HECW2: variants seen among roughly 807,000 people sequenced by gnomAD.
HECW2 encodes the protein HECT, C2 and WW domain containing E3 ubiquitin protein ligase 2.
In HECW2, 61 loss-of-function variants were observed where a neutral mutation model predicts 175.2. The observed-to-expected ratio is 0.35, with a 90% CI of 0.28 to 0.43. The LOEUF (loss-of-function observed/expected upper bound fraction) is 0.43, where lower values mean the gene tolerates loss of function less well. Ranked by LOEUF, HECW2 falls within the 20% of genes least tolerant of loss-of-function variation. The pLI is 1.00. For missense variants in HECW2, 1,524 were observed against 2,000.5 expected, an observed-to-expected ratio of 0.76 and a Z score of 4.54; for synonymous variants, 671 against 731.0, an observed-to-expected ratio of 0.92 and a Z score of 1.32.
intron 1 of HECW2, among the ~76,000 whole-genome samples, chr2:196,474,358 G>A (rs1038423520): frequency 6.6e-6 from 1 of 152,162 alleles, no homozygotes; most frequent in Admixed American, 6.5e-5. Flanking sequence ...CTACCATAAT[G>A]GCTTGCATTT....
intron 18 of HECW2, 131 bp from the exon 19 acceptor site, chr2:196,254,160 T>G: frequency 5.1e-6 from 7 of 1,365,150 alleles, no homozygotes; most frequent in Non-Finnish European, 3.9e-6. Flanking sequence ...CCCCTTTCTC[T>G]TGCAGGTAAT....
rs1192770176 is a variant in HECW2, at chr2:196,195,599, C to T, written c.*5678G>A. The T allele has an allele frequency of 1.3e-5, 2 of 152,298 alleles. No individual in the cohort carries two copies. Among genetic ancestry groups the T allele is most frequent in the East Asian group, 3.9e-4 (2 of 5,190 alleles). The allele number at this position is 152,298 out of a possible 1,614,324, so 9.4% of individuals were successfully genotyped here. ...TTGCAACCTCACTCTTAGGATTTCA[C>T]TTTCCAGATTAACAGAGAGCATTTA... On this transcript the variant is annotated 3_prime_UTR_variant, in exon 29 of 29. Transcript: ENST00000644978.
intron 5 of HECW2, 121 bp downstream of exon 5, chr2:196,329,454 C>T: frequency 1.6e-6 from 1 of 631,686 alleles, no homozygotes; most frequent in African/African-American, 1.8e-5. Context: ...GAAGTATGAC[C>T]CCCCAAAACT....
intron 23 of HECW2, among the ~76,000 whole-genome samples, chr2:196,222,901 C>T (rs1687720002): frequency 2.0e-5 from 3 of 152,002 alleles, no homozygotes; most frequent in African/African-American, 7.3e-5. Context: ...AAATAGTAAG[C>T]CACAGAACCT....
intron 7 of HECW2, 25 bp from the exon 8 acceptor site, chr2:196,320,464 C>T: frequency 6.7e-7 from 1 of 1,494,560 alleles, no homozygotes; most frequent in Non-Finnish European, 9.3e-7. Context: ...ATGCTTCTTT[C>T]ATCCTGACTA....
At chr2:196,214,247 C>T (rs1386577777) in intron 28 of HECW2, among the ~76,000 whole-genome samples, 1 of 152,174 alleles carries the variant, frequency 6.6e-6, no homozygotes, top group Admixed American at 6.5e-5. Flanking sequence ...CAGCCTAGGT[C>T]TCTCTGAAGC....
intron 1 of HECW2, among the ~76,000 whole-genome samples, chr2:196,487,147 T>TAAAAAA (rs375017365): frequency 8.1e-6 from 1 of 123,876 alleles, no homozygotes; most frequent in Non-Finnish European, 1.7e-5. Flanking sequence ...AGACTCTGCC[T>TAAAAAA]AAAAAAAAAA....
intron 1 of HECW2, among the ~76,000 whole-genome samples, chr2:196,445,132 C>T (rs576791523): frequency 6.6e-6 from 1 of 152,160 alleles, no homozygotes; most frequent in Non-Finnish European, 1.5e-5. Context: ...CTTCACAGTG[C>T]CTCATATTCT....
chr2:196,339,372 A>G (rs1360180092), intron 3 of HECW2, among the ~76,000 whole-genome samples: 2 of 152,196 alleles, frequency 1.3e-5, no homozygotes. Context: ...TCCTATATAC[A>G]TTTCCCAGGG....
At chr2:196,279,112 G>A (rs968091498) in intron 14 of HECW2, among the ~76,000 whole-genome samples, 4 of 151,868 alleles carry the variant, frequency 2.6e-5, no homozygotes, top group African/African-American at 7.3e-5. Context: ...GCAGTGGCGC[G>A]ATCTCAGCTC....
At chr2:196,432,629 T>C (rs1177407004) in intron 2 of HECW2, among the ~76,000 whole-genome samples, 3 of 152,200 alleles carry the variant, frequency 2.0e-5, no homozygotes, top group African/African-American at 4.8e-5. Context: ...CTTCCCCTAA[T>C]TGATCTAGAA....
At position 196,395,349 on chromosome 2, in the gene HECW2, AATAG is replaced by A. The variant is rs1247600542; in HGVS notation, c.292+37779_292+37782del. 2.7e-5 allele frequency among the ~76,000 whole-genome samples: 4 copies of A among 147,268 alleles called. No individual in the cohort carries two copies. In the East Asian group the frequency reaches 7.9e-4, roughly 29 times the overall value. The stretch of plus-strand genomic sequence containing the variant: ...AAAAACACAGTTAACAGGAGAAAAA[AATAG>A]ATAAATTGGACTTCATCAAAATTTA... On this transcript the variant is annotated intron_variant, in intron 2 of 28. Coordinates refer to ENST00000644978, the MANE Select transcript of HECW2 (RefSeq NM_001348768.2).
chr2:196,283,400 G>C (rs1178739507), intron 14 of HECW2, among the ~76,000 whole-genome samples: 1 of 145,826 alleles, frequency 6.9e-6, no homozygotes, highest in Admixed American at 6.8e-5. Flanking sequence ...TTTTGAGATG[G>C]AGTCTTGCTC....
At chr2:196,585,276 C>G (rs1050707966) in intron 1 of HECW2, among the ~76,000 whole-genome samples, 1 of 152,056 alleles carries the variant, frequency 6.6e-6, no homozygotes, top group Non-Finnish European at 1.5e-5. Context: ...GATTATTAAC[C>G]TCTTTTATAC....
chr2:196,460,394 G>A (rs190676643), intron 1 of HECW2, among the ~76,000 whole-genome samples: 1 of 151,314 alleles, frequency 6.6e-6, no homozygotes, highest in East Asian at 1.9e-4. Context: ...TAATTAGAAG[G>A]CCATCTCATC....
At chr2:196,205,040 G>A (rs979707801) in intron 28 of HECW2, among the ~76,000 whole-genome samples, 4 of 152,194 alleles carry the variant, frequency 2.6e-5, no homozygotes, top group Admixed American at 1.3e-4. Context: ...CTCTGCAGTC[G>A]TAAGACATAA....
chr2:196,205,522 G>A (rs1687036491), intron 28 of HECW2, among the ~76,000 whole-genome samples: 1 of 152,112 alleles, frequency 6.6e-6, no homozygotes, highest in South Asian at 2.1e-4. Flanking sequence ...CAGTAGCTCT[G>A]GGGAAAATGG....
At chr2:196,280,974 A>G (rs1221682374) in intron 14 of HECW2, among the ~76,000 whole-genome samples, 1 of 152,238 alleles carries the variant, frequency 6.6e-6, no homozygotes, top group African/African-American at 2.4e-5. Context: ...TACAAAGAGC[A>G]TAAATTAGAA....
intron 1 of HECW2, among the ~76,000 whole-genome samples, chr2:196,441,375 C>A (rs866509024): frequency 4.3e-5 from 1 of 23,238 alleles, no homozygotes; most frequent in South Asian, 1.8e-3. Flanking sequence ...ACAACACACA[C>A]ACACAAACAC....
Sources: allele counts gnomAD v4.1 joint callset (sites outside exome capture counted in the v4.1 genomes callset), GRCh38; gene constraint gnomAD v4.1.1; transcripts MANE v1.5; gene names NCBI Gene and HGNC (gene_info 2026-07-23, HGNC 2026-07-21).